LTBP1: variants seen among roughly 807,000 people sequenced by gnomAD.
LTBP1 encodes latent-transforming growth factor beta-binding protein 1.
Under a neutral mutation model 207.6 loss-of-function variants are expected in LTBP1, and 129 were observed. The observed-to-expected ratio is 0.62, with a 90% CI of 0.54 to 0.72. The LOEUF is 0.72. LTBP1 is among the 30% of genes least tolerant of loss of function. The pLI, the probability that LTBP1 is intolerant of heterozygous loss-of-function variation, is 0.00. For missense variants in LTBP1, 2,281 were observed against 2,217.2 expected, an observed-to-expected ratio of 1.03 and a Z score of -0.58; for synonymous variants, 963 against 833.7, an observed-to-expected ratio of 1.16 and a Z score of -2.67.
intron 3 of LTBP1, among the ~76,000 whole-genome samples, chr2:33,075,292 C>T (rs1176380409): frequency 2.6e-5 from 4 of 152,110 alleles, no homozygotes; most frequent in South Asian, 4.1e-4. Context: ...TGCAGGTTTT[C>T]GGTGACCTGT....
intron 4 of LTBP1, among the ~76,000 whole-genome samples, chr2:33,126,401 T>C (rs895634216): frequency 6.6e-6 from 1 of 152,154 alleles, no homozygotes; most frequent in Non-Finnish European, 1.5e-5. Flanking sequence ...AACCAGCCCA[T>C]GTCCAAGGGG....
At chr2:33,333,352 G>A (rs1005363290) in intron 24 of LTBP1, among the ~76,000 whole-genome samples, 1 of 151,954 alleles carries the variant, frequency 6.6e-6, no homozygotes, top group South Asian at 2.1e-4. Flanking sequence ...TGTTTTCCAG[G>A]TTGCTTTTTG....
intron 7 of LTBP1, among the ~76,000 whole-genome samples, chr2:33,199,938 A>G (rs1181677603): frequency 1.3e-5 from 2 of 152,200 alleles, no homozygotes; most frequent in Non-Finnish European, 2.9e-5. Context: ...GGACCTCTTC[A>G]AGGAGAACTA....
intron 3 of LTBP1, among the ~76,000 whole-genome samples, chr2:33,065,863 T>G (rs1454495472): frequency 6.6e-6 from 1 of 152,220 alleles, no homozygotes; most frequent in African/African-American, 2.4e-5. Context: ...TTGAAAAAAT[T>G]CACTTCGCTA....
At chr2:33,263,060 C>G (rs1351652189) in intron 14 of LTBP1, among the ~76,000 whole-genome samples, 1 of 151,532 alleles carries the variant, frequency 6.6e-6, no homozygotes, top group East Asian at 1.9e-4. Flanking sequence ...ATACACTATT[C>G]AGACATTATT....
rs550839552 is a variant in LTBP1, at chr2:33,379,196, C to CTTTTT, written c.4712-9969_4712-9965dup. On this transcript the variant is annotated intron_variant, in intron 31 of 33. Transcript: ENST00000404816. ...AAAGTAATTTCAGTTTTTGCCATTGCTTTTTTTTTTTTTTTTTTTTTTTCT... is the reference window on the plus strand; with the variant it reads ...AAAGTAATTTCAGTTTTTGCCATTGCTTTTTTTTTTTTTTTTTTTTTTTTTTTTCT... Among the ~76,000 whole-genome samples, 214 of 108,528 alleles carry CTTTTT rather than the reference C, an allele frequency of 2.0e-3. 2 individuals carry two copies. Among genetic ancestry groups the CTTTTT allele is most frequent in the East Asian group, 2.7e-3 (9 of 3,396 alleles). 71.2% of individuals were successfully genotyped at this position (108,528 alleles called of 152,430 possible).
intron 2 of LTBP1, among the ~76,000 whole-genome samples, chr2:32,988,227 A>G (rs1010968150): frequency 3.3e-5 from 5 of 152,226 alleles, no homozygotes; most frequent in African/African-American, 1.2e-4. Context: ...TGTTGTTTAA[A>G]GCCAATCAGT....
At chr2:33,314,494 A>T (rs540624037) in intron 23 of LTBP1, among the ~76,000 whole-genome samples, 1 of 152,310 alleles carries the variant, frequency 6.6e-6, no homozygotes, top group Admixed American at 6.5e-5. Context: ...GACTGCAGTG[A>T]GCCATGATCA....
In LTBP1 at chr2:33,171,383, C is replaced by T. The variant is rs531160425; in HGVS notation, c.1202-15473C>T. On this transcript the variant is annotated intron_variant, in intron 5 of 33. Coordinates refer to ENST00000404816, the MANE Select transcript of LTBP1 (RefSeq NM_206943.4). ...AATGCAGAAGCCTCAGGAGCCGATG[C>T]GATCAACTGGAAGAAAGGGTATCAG... is the stretch of plus-strand genomic sequence containing the variant. Among the ~76,000 whole-genome samples, 65 of 147,270 alleles carry T rather than the reference C, an allele frequency of 4.4e-4. 1 individual carries two copies. The highest frequency in any genetic ancestry group is 6.2e-4 in the Admixed American group (9 of 14,498).
In LTBP1 at chr2:32,947,297, C is replaced by G; in HGVS notation, c.-28C>G. On this transcript the variant is annotated 5_prime_UTR_variant, in exon 1 of 34. Coordinates refer to ENST00000404816, the MANE Select transcript of LTBP1 (RefSeq NM_206943.4). ...CCGGGGGAGGGGGCCGGACCGCGCG[C>G]GACCGGTCGCGCCCGCTGGGGCCCG... 15 of 1,213,948 alleles carry G rather than the reference C, an allele frequency of 1.2e-5. No individual in the cohort carries two copies. Among genetic ancestry groups the G allele is most frequent in the East Asian group, 6.8e-5 (2 of 29,424 alleles). The allele number at this position is 1,213,948 out of a possible 1,614,324, so 75.2% of individuals were successfully genotyped here.
intron 8 of LTBP1, 145 bp from the exon 9 acceptor site, chr2:33,221,935 A>G (rs528050398): frequency 2.7e-5 from 14 of 515,510 alleles, no homozygotes; most frequent in African/African-American, 2.4e-4. Context: ...GAAAAAAATT[A>G]TGGAGATATA....
chr2:33,372,493 A>G (rs1421108587), intron 31 of LTBP1, among the ~76,000 whole-genome samples: 1 of 152,256 alleles, frequency 6.6e-6, no homozygotes, highest in Non-Finnish European at 1.5e-5. Context: ...CAAGTCAATA[A>G]TTCTCAGTAA....
chr2:33,329,215 G>A (rs1242237971), intron 24 of LTBP1, among the ~76,000 whole-genome samples: 1 of 152,042 alleles, frequency 6.6e-6, no homozygotes, highest in African/African-American at 2.4e-5. Flanking sequence ...ACTGAGTAAA[G>A]GTATCTCATT....
intron 32 of LTBP1, 81 bp from the exon 33 acceptor site, chr2:33,397,052 G>C: frequency 7.5e-7 from 1 of 1,334,362 alleles, no homozygotes; most frequent in Non-Finnish European, 1.0e-6. Flanking sequence ...TTTGGAAAAT[G>C]AACCATCATC....
intron 2 of LTBP1, among the ~76,000 whole-genome samples, chr2:32,982,133 C>G (rs748082275): frequency 6.6e-6 from 1 of 152,086 alleles, no homozygotes; most frequent in Non-Finnish European, 1.5e-5. Flanking sequence ...GACCAAAATG[C>G]TAATAGTGAT....
At chr2:33,089,155 C>CAAAAAAAAAAAA (rs61009791) in intron 3 of LTBP1, among the ~76,000 whole-genome samples, 2 of 96,412 alleles carry the variant, frequency 2.1e-5, no homozygotes, top group Admixed American at 1.1e-4. Context: ...GACTCAGTCT[C>CAAAAAAAAAAAA]AAAAAAAAAA....
chr2:33,014,800 A>G lies in LTBP1; in HGVS notation c.566-6109A>G, dbSNP rs183621766. Among the ~76,000 whole-genome samples, 6 of 152,334 alleles carry G rather than the reference A, an allele frequency of 3.9e-5. No homozygotes were observed. In the East Asian group the frequency reaches 1.2e-3, roughly 29 times the overall value. ...TGAAAGACATCTGAGACTCTTTAGT[A>G]CTTGGCGCACAGATTGAGAATTAAC... On this transcript the variant is annotated intron_variant, in intron 2 of 33. Coordinates refer to ENST00000404816, the MANE Select transcript of LTBP1 (RefSeq NM_206943.4).
At chr2:33,038,836 CT>C (rs202047764) in intron 3 of LTBP1, among the ~76,000 whole-genome samples, 49 of 151,642 alleles carry the variant, frequency 3.2e-4, no homozygotes, top group African/African-American at 1.2e-3. Context: ...AGGAAAATGT[CT>C]TTTTTTTTGC....
At chr2:32,949,911 A>G (rs922143697) in intron 2 of LTBP1, among the ~76,000 whole-genome samples, 5 of 152,228 alleles carry the variant, frequency 3.3e-5, no homozygotes, top group Admixed American at 2.6e-4. Flanking sequence ...TTACTTTTGT[A>G]AAAAGGGAAA....
Sources: gnomAD v4.1 joint callset for allele counts (sites outside exome capture counted in the v4.1 genomes callset) on GRCh38, gnomAD v4.1.1 for gene constraint, MANE v1.5 for transcripts, NCBI Gene and HGNC (gene_info 2026-07-23, HGNC 2026-07-21) for gene names.